TXK: variants seen among roughly 807,000 people sequenced by gnomAD.
The protein encoded by TXK is tyrosine-protein kinase TXK.
TXK carries 60 observed loss-of-function variants against 81.0 expected under a neutral mutation model. The ratio of observed to expected loss-of-function variants is 0.74; its 90% confidence interval spans 0.60 to 0.92. The LOEUF (loss-of-function observed/expected upper bound fraction) is 0.92, where lower values mean the gene tolerates loss of function less well. Among genes scored for constraint, TXK ranks in the 40% least tolerant of loss-of-function variants. The probability of loss-of-function intolerance (pLI) is 0.00; values close to 1 mark genes in which losing one functional copy is unlikely to be tolerated. For missense variants in TXK, 581 were observed against 638.3 expected (o/e 0.91, Z 0.97); for synonymous variants, 203 against 210.7 (o/e 0.96, Z 0.32).
chr4:48,074,095 C>T, intron 12 of TXK, 42 bp from the exon 13 acceptor site: 1 of 1,437,974 alleles, frequency 7.0e-7, no homozygotes, highest in Non-Finnish European at 9.8e-7. Flanking sequence ...TAATTACCTC[C>T]AAGCTCTATT....
chr4:48,133,027 A>T (rs1326702119), intron 1 of TXK, among the ~76,000 whole-genome samples: 2 of 152,290 alleles, frequency 1.3e-5, no homozygotes, highest in East Asian at 3.9e-4. Flanking sequence ...TTTCAAAGGC[A>T]CAATTTTCTT....
rs1276310474 is a variant in TXK, at chr4:48,088,638, T to C, written c.784+1112A>G. Among the ~76,000 whole-genome samples the C allele has an allele frequency of 4.6e-5, 7 of 152,258 alleles. No individual in the cohort carries two copies. The East Asian group carries it at 1.2e-3, about 25-fold the overall frequency. ...CAAAACAAATCAATCTATAGACTTA[T>C]GAGTTGTACACTATTCTATTTGTTT... On this transcript the variant is annotated intron_variant, in intron 9 of 14. Coordinates refer to ENST00000264316, the MANE Select transcript of TXK (RefSeq NM_003328.3).
intron 10 of TXK, among the ~76,000 whole-genome samples, chr4:48,085,846 C>T (rs1333344387): frequency 6.6e-6 from 1 of 152,168 alleles, no homozygotes; most frequent in Non-Finnish European, 1.5e-5. Context: ...CCGCTGAGAG[C>T]CATCTCCATC....
chr4:48,129,031 A>T (rs1719170266), intron 1 of TXK, among the ~76,000 whole-genome samples: 1 of 152,156 alleles, frequency 6.6e-6, no homozygotes, highest in South Asian at 2.1e-4. Context: ...AGTTGGAGTT[A>T]GACTTCTTGG....
intron 5 of TXK, among the ~76,000 whole-genome samples, chr4:48,110,267 A>T (rs1435799923): frequency 6.6e-6 from 1 of 152,242 alleles, no homozygotes; most frequent in Non-Finnish European, 1.5e-5. Flanking sequence ...TTTTCCAGTT[A>T]AGATATATAG....
At chr4:48,097,993 C>T (rs1166159955) in intron 6 of TXK, among the ~76,000 whole-genome samples, 2 of 152,040 alleles carry the variant, frequency 1.3e-5, no homozygotes, top group African/African-American at 4.8e-5. Context: ...GCGATCCGCC[C>T]GCCTCGGCCT....
intron 3 of TXK, 100 bp from the exon 4 acceptor site, chr4:48,112,612 A>T (rs1429226064): frequency 4.9e-6 from 6 of 1,233,048 alleles, no homozygotes; most frequent in African/African-American, 1.5e-5. Context: ...CACTTTTCTT[A>T]TCCAGCTACA....
chr4:48,129,470 A>G (rs1025611697), intron 1 of TXK, among the ~76,000 whole-genome samples: 1 of 152,188 alleles, frequency 6.6e-6, no homozygotes, highest in Admixed American at 6.5e-5. Context: ...TTTGAGTGGA[A>G]GAGTGGTGCT....
At chr4:48,125,985 T>G (rs536759089) in intron 1 of TXK, among the ~76,000 whole-genome samples, 1 of 152,378 alleles carries the variant, frequency 6.6e-6, no homozygotes, top group East Asian at 1.9e-4. Flanking sequence ...GATTTAAATG[T>G]TAATCTCATC....
At chr4:48,084,137 T>A (rs899900692) in intron 10 of TXK, among the ~76,000 whole-genome samples, 1 of 152,202 alleles carries the variant, frequency 6.6e-6, no homozygotes, top group Non-Finnish European at 1.5e-5. Flanking sequence ...TCACTCAGGC[T>A]GGAGTGCAGT....
At chr4:48,107,899 TA>T (rs57715867) in intron 5 of TXK, among the ~76,000 whole-genome samples, 2,001 of 128,310 alleles carry the variant, frequency 0.016, 55 homozygotes, top group African/African-American at 0.067. Context: ...TGTCTCTACT[TA>T]AAAAAAAAAA....
Position 48,074,062 on chromosome 4 carries a change from A to G in TXK, c.1239-9T>C. 1 of 1,595,106 alleles carries G rather than the reference A, an allele frequency of 6.3e-7. No individual in the cohort carries two copies. The highest frequency in any genetic ancestry group is 8.6e-7 in the Non-Finnish European group (1 of 1,163,050). ...CATCATCCAAAACGTACCTAAGTTT[A>G]TCAGATTCAAAGCATATTGTGTTAA... On this transcript the variant is annotated splice_polypyrimidine_tract_variant and intron_variant, in intron 12 of 14. Transcript: ENST00000264316.
chr4:48,074,464 A>T (rs1245494062), intron 12 of TXK, among the ~76,000 whole-genome samples: 1 of 152,214 alleles, frequency 6.6e-6, no homozygotes, highest in Non-Finnish European at 1.5e-5. Context: ...TCAAAGTTGG[A>T]TGTCGAATTT....
chr4:48,112,484 T>C lies in TXK; in HGVS notation c.203A>G (p.Lys68Arg), dbSNP rs771927262. The change falls in exon 4 of 15, where the codon AAA becomes AGA. Residue 68 changes from lysine to arginine, a missense_variant. Transcript: ENST00000264316. ...TGGGAGGGGAGGCAGTGGCTTTCGTTTTGACGGCTGCACACGGCCCGTGTT... is the reference window on the plus strand; with the variant it reads ...TGGGAGGGGAGGCAGTGGCTTTCGTCTTGACGGCTGCACACGGCCCGTGTT... ...QSNTGRVQPS[K>R]RKPLPPLPPS... 22 of 1,613,976 alleles carry C rather than the reference T, an allele frequency of 1.4e-5. No homozygotes were observed. Among genetic ancestry groups the C allele is most frequent in the African/African-American group, 4.0e-5 (3 of 74,908 alleles).
Position 48,095,130 on chromosome 4 carries a change from C to T in TXK, c.581+13G>A. The stretch of plus-strand genomic sequence containing the variant: ...GGATTATTTCTATAGTAACCAAAAT[C>T]ACAAGTGCTTACCTTCTAGCTCCCA... On this transcript the variant is annotated intron_variant, in intron 7 of 14. Coordinates refer to ENST00000264316, the MANE Select transcript of TXK (RefSeq NM_003328.3). 1.9e-6 allele frequency: 3 copies of T among 1,599,854 alleles called. No homozygotes were observed. The highest frequency in any genetic ancestry group is 1.1e-5 in the South Asian group (1 of 90,770).
At chr4:48,098,674 A>T (rs923932793) in intron 6 of TXK, among the ~76,000 whole-genome samples, 1 of 152,070 alleles carries the variant, frequency 6.6e-6, no homozygotes, top group Non-Finnish European at 1.5e-5. Flanking sequence ...ATAAAATCTG[A>T]AAAAGGGCCG....
rs978458752 is a variant in TXK at position 48,101,726 on chromosome 4, T to C, written c.501+3175A>G. Among the ~76,000 whole-genome samples the C allele has an allele frequency of 4.0e-5, 6 of 151,252 alleles. No homozygotes were observed. The East Asian group carries it at 7.7e-4, about 20-fold the overall frequency. ...TAAAGACCCAGATGTGGAAAGCAAA[T>C]CCTTAATACATTTAAAAGAGGATAG... On this transcript the variant is annotated intron_variant, in intron 6 of 14. Coordinates refer to ENST00000264316, the MANE Select transcript of TXK (RefSeq NM_003328.3).
chr4:48,116,577 C>CCTT (rs2109477341), intron 1 of TXK, among the ~76,000 whole-genome samples: 1 of 152,286 alleles, frequency 6.6e-6, no homozygotes, highest in South Asian at 2.1e-4. Flanking sequence ...GGAAGGTTAC[C>CCTT]AGAACCTAGA....
chr4:48,085,465 T>C (rs939461317), intron 10 of TXK, among the ~76,000 whole-genome samples: 2 of 152,058 alleles, frequency 1.3e-5, no homozygotes, highest in Non-Finnish European at 2.9e-5. Context: ...ACACACTTGC[T>C]TGTCACTGAT....
Sources: gnomAD v4.1 joint callset for allele counts (sites outside exome capture counted in the v4.1 genomes callset) on GRCh38, gnomAD v4.1.1 for gene constraint, MANE v1.5 for transcripts, NCBI Gene and HGNC (gene_info 2026-07-23, HGNC 2026-07-21) for gene names.